Variants in H2BW1 observed in about 807,000 individuals in gnomAD.
The protein encoded by H2BW1 is histone H2B type W-T.
In H2BW1, 9 loss-of-function variants were observed where a neutral mutation model predicts 8.0. That is an observed-to-expected ratio of 1.13 (90% CI 0.68 to 1.97). The LOEUF (loss-of-function observed/expected upper bound fraction) is 1.97, where lower values mean the gene tolerates loss of function less well. Ranked by LOEUF, H2BW1 falls within the 30% of genes most tolerant of loss-of-function variation. The pLI, the probability that H2BW1 is intolerant of heterozygous loss-of-function variation, is 0.00. For synonymous variants in H2BW1, 58 were observed against 54.7 expected (o/e 1.06, Z -0.26); for missense variants, 137 against 132.0 (o/e 1.04, Z -0.19).
Position 104,013,605 on chromosome X carries a change from G to C in H2BW1, c.-29C>G. 3 of 1,210,922 alleles carry C rather than the reference G, an allele frequency of 2.5e-6. No homozygotes were observed. The highest frequency in any genetic ancestry group is 1.8e-5 in the South Asian group (1 of 56,720). ...GGAGGCAGTGGCCATTAGATGGCAC[G>C]ACCAGACAATGGCGGTTGTGGACCG... On this transcript the variant is annotated 5_prime_UTR_variant, in exon 1 of 3. Transcript: ENST00000217926.
At chrX:104,011,870 A>G (rs1446259101) in intron 2 of H2BW1, among the ~76,000 whole-genome samples, 3 of 111,871 alleles carry the variant, frequency 2.7e-5, no homozygotes, top group South Asian at 3.8e-4. Context: ...ATGGCCACAT[A>G]TTGAGCTTCA....
Position 104,013,160 on chromosome X carries a change from C to G in H2BW1, c.407+10G>C. The G allele has an allele frequency of 8.4e-7, 1 of 1,193,694 alleles. No homozygotes were observed. The highest frequency in any genetic ancestry group is 3.0e-5 in the East Asian group (1 of 33,655). On this transcript the variant is annotated intron_variant, in intron 1 of 2. Coordinates refer to ENST00000217926, the MANE Select transcript of H2BW1 (RefSeq NM_001002916.5). ...GTGCTCCTGAGGGAGCGCACTTGCT[C>G]CTGGTGTACCTGAGGACAGCCTTCG...
In H2BW1 at chrX:104,013,350, C is replaced by T. The variant is rs1207247789; in HGVS notation, c.227G>A (p.Ser76Asn). ...QGLSLSREAV[S>N]VMDSLVHDIL... ...GTCATGAACCAAAGAATCCATGACA[C>T]TCACGGCCTCCCGGGAAAGGCTGAG... Residue 76 changes from serine (S) to asparagine (N), a missense_variant, in exon 1 of 3, where the codon AGT (serine) becomes AAT (asparagine). Coordinates refer to ENST00000217926, the MANE Select transcript of H2BW1 (RefSeq NM_001002916.5). The T allele has an allele frequency of 8.3e-7, 1 of 1,210,854 alleles. No individual in the cohort carries two copies. The highest frequency in any genetic ancestry group is 1.1e-6 in the Non-Finnish European group (1 of 895,450).
At chrX:104,011,910 G>T (rs1414055871) in intron 2 of H2BW1, among the ~76,000 whole-genome samples, 1 of 111,200 alleles carries the variant, frequency 9.0e-6, no homozygotes, top group African/African-American at 3.3e-5. Context: ...CCTATGGGTC[G>T]CAATCCCAGA....
At position 104,013,604 on chromosome X, in the gene H2BW1, C is replaced by A; in HGVS notation, c.-28G>T. The A allele has an allele frequency of 4.1e-6, 5 of 1,210,826 alleles. No individual in the cohort carries two copies. Among genetic ancestry groups the A allele is most frequent in the African/African-American group, 1.7e-5 (1 of 57,852 alleles). On this transcript the variant is annotated 5_prime_UTR_variant, in exon 1 of 3. Coordinates refer to ENST00000217926, the MANE Select transcript of H2BW1 (RefSeq NM_001002916.5). ...CGGAGGCAGTGGCCATTAGATGGCA[C>A]GACCAGACAATGGCGGTTGTGGACC...
In H2BW1 at chrX:104,013,429, C is replaced by G; in HGVS notation, c.148G>C (p.Gly50Arg). Reference protein sequence around the residue: ...GPRRCHSNCRGDSFATYFRRV... With the variant: ...GPRRCHSNCRRDSFATYFRRV... ...CGGAAATAGGTGGCGAAGCTGTCCC[C>G]GCGGCAGTTGGAGTGGCACCTGCGG... Residue 50 changes from glycine (G) to arginine (R), a missense_variant, in exon 1 of 3, where the codon GGG becomes CGG. By Grantham distance (125) the Gly-to-Arg change is moderately radical. Transcript: ENST00000217926. The G allele has an allele frequency of 8.2e-7, 1 of 1,212,312 alleles. No homozygotes were observed. The highest frequency in any genetic ancestry group is 3.0e-5 in the East Asian group (1 of 33,839).
At position 104,013,473 on chromosome X, in the gene H2BW1, T is replaced by G; in HGVS notation, c.104A>C (p.Lys35Thr). The G allele has an allele frequency of 8.3e-7, 1 of 1,211,893 alleles. No individual in the cohort carries two copies. Among genetic ancestry groups the G allele is most frequent in the Non-Finnish European group, 1.1e-6 (1 of 895,513 alleles). ...TTSQKQSKQR[K>T]RGRHGPRRCH... is the part of the protein sequence containing the mutation. ...CCTGCGGGGCCCATGGCGCCCTCGC[T>G]TCCTCTGCTTGCTCTGCTTCTGGGA... The change falls in exon 1 of 3, where the codon AAG (lysine) becomes ACG (threonine). Residue 35 changes from lysine (K) to threonine (T), a missense_variant. Transcript: ENST00000217926.
Position 104,013,453 on chromosome X carries a change from G to C in H2BW1, c.124C>G (p.Arg42Gly). ...CCGCGGCAGTTGGAGTGGCACCTGC[G>C]GGGCCCATGGCGCCCTCGCTTCCTC... ...KQRKRGRHGP[R>G]RCHSNCRGDS... The change falls in exon 1 of 3, where the codon CGC becomes GGC. Residue 42 changes from arginine to glycine, a missense_variant. Arg to Gly is a moderately radical substitution (Grantham distance 125, BLOSUM62 -2). Coordinates refer to ENST00000217926, the MANE Select transcript of H2BW1 (RefSeq NM_001002916.5). The C allele has an allele frequency of 8.3e-7, 1 of 1,212,104 alleles. No individual in the cohort carries two copies. Among genetic ancestry groups the C allele is most frequent in the Non-Finnish European group, 1.1e-6 (1 of 895,585 alleles).
At position 104,013,202 on chromosome X, in the gene H2BW1, G is replaced by A. The variant is rs782781095; in HGVS notation, c.375C>T (p.Leu125=). 1.7e-6 allele frequency: 2 copies of A among 1,209,759 alleles called. No individual in the cohort carries two copies. Among genetic ancestry groups the A allele is most frequent in the Non-Finnish European group, 1.1e-6 (1 of 894,315 alleles). Residue 125 remains leucine (L), a synonymous_variant, in exon 1 of 3, where the codon CTC becomes CTT. Coordinates refer to ENST00000217926, the MANE Select transcript of H2BW1 (RefSeq NM_001002916.5). The part of the protein sequence containing the change: ...RLLLPGQMGK[L]AESEGTKAVL... ...CAGCCTTCGTGCCTTCGGACTCGGC[G>A]AGCTTGCCCATCTGCCCCGGCAGCA...
chrX:104,011,615 C>T (rs2075126717), intron 2 of H2BW1, among the ~76,000 whole-genome samples, 152 bp from the exon 3 acceptor site: 1 of 111,505 alleles, frequency 9.0e-6, no homozygotes, highest in Admixed American at 9.5e-5. Context: ...CTGCCATGCC[C>T]CCATTTCCCT....
chrX:104,011,828 G>A (rs2075127246), intron 2 of H2BW1, among the ~76,000 whole-genome samples: 1 of 111,922 alleles, frequency 8.9e-6, no homozygotes, highest in African/African-American at 3.3e-5. Flanking sequence ...TTTATGAGAT[G>A]TTTCAAAATT....
rs782183127 is a variant in H2BW1, at chrX:104,013,452, C to T, written c.125G>A (p.Arg42His). The stretch of plus-strand genomic sequence containing the variant: ...CCCGCGGCAGTTGGAGTGGCACCTG[C>T]GGGGCCCATGGCGCCCTCGCTTCCT... The part of the protein sequence containing the change: ...KQRKRGRHGP[R>H]RCHSNCRGDS... The change falls in exon 1 of 3, where the codon CGC becomes CAC. Residue 42 changes from arginine (R) to histidine (H), a missense_variant. Arg to His is a conservative substitution (Grantham distance 29, BLOSUM62 0). Transcript: ENST00000217926. The T allele has an allele frequency of 4.2e-5, 51 of 1,212,116 alleles. No homozygotes were observed. Among genetic ancestry groups the T allele is most frequent in the Middle Eastern group, 4.6e-4 (2 of 4,350 alleles).
chrX:104,011,790 G>T, intron 2 of H2BW1, among the ~76,000 whole-genome samples: 1 of 111,888 alleles, frequency 8.9e-6, no homozygotes, highest in Non-Finnish European at 1.9e-5. Context: ...ACCCTTTACT[G>T]GTTTCTACAT....
intron 1 of H2BW1, 126 bp downstream of exon 1, chrX:104,013,044 C>T (rs1237778336): frequency 2.0e-6 from 2 of 985,087 alleles, no homozygotes; most frequent in African/African-American, 1.9e-5. Flanking sequence ...CCCACCCCAG[C>T]CTCCGGTGGT....
Position 104,013,180 on chromosome X carries a change from C to G in H2BW1, c.397G>C (p.Ala133Pro), listed in dbSNP as rs781811785. Residue 133 changes from alanine to proline, a missense_variant, in exon 1 of 3, where the codon GCT (alanine) becomes CCT (proline). Ala to Pro is a conservative substitution (Grantham distance 27). Transcript: ENST00000217926. ...GKLAESEGTK[A>P]VLRTSLYAIQ... Reference sequence around the variant, plus strand: ...TTGCTCCTGGTGTACCTGAGGACAGCCTTCGTGCCTTCGGACTCGGCGAGC... The same window carrying G: ...TTGCTCCTGGTGTACCTGAGGACAGGCTTCGTGCCTTCGGACTCGGCGAGC... The G allele has an allele frequency of 2.1e-5, 25 of 1,202,715 alleles. No homozygotes were observed. The South Asian group carries it at 2.7e-4, about 13-fold the overall frequency.
In H2BW1 at chrX:104,013,158, C is replaced by T; in HGVS notation, c.407+12G>A. Reference sequence around the variant, plus strand: ...GGGTGCTCCTGAGGGAGCGCACTTGCTCCTGGTGTACCTGAGGACAGCCTT... The same window carrying T: ...GGGTGCTCCTGAGGGAGCGCACTTGTTCCTGGTGTACCTGAGGACAGCCTT... On this transcript the variant is annotated intron_variant, in intron 1 of 2. Transcript: ENST00000217926. 8.4e-7 allele frequency: 1 copy of T among 1,193,581 alleles called. No homozygotes were observed. The highest frequency in any genetic ancestry group is 1.7e-5 in the African/African-American group (1 of 57,543).
chrX:104,013,199 G>C lies in H2BW1; in HGVS notation c.378C>G (p.Ala126=). The C allele has an allele frequency of 8.3e-7, 1 of 1,209,093 alleles. No individual in the cohort carries two copies. Among genetic ancestry groups the C allele is most frequent in the Non-Finnish European group, 1.1e-6 (1 of 894,010 alleles). The change falls in exon 1 of 3, where the codon GCC becomes GCG. Residue 126 remains alanine (A), a synonymous_variant. Transcript: ENST00000217926. The stretch of plus-strand genomic sequence containing the variant: ...GGACAGCCTTCGTGCCTTCGGACTC[G>C]GCGAGCTTGCCCATCTGCCCCGGCA... ...LLLPGQMGKL[A]ESEGTKAVLR...
rs143738688 is a variant in H2BW1, at chrX:104,013,248, G to A, written c.329C>T (p.Thr110Ile). 1,298 of 1,210,664 alleles carry A rather than the reference G, an allele frequency of 1.1e-3. 1 individual carries two copies. Among genetic ancestry groups the A allele is most frequent in the Non-Finnish European group, 1.2e-3 (1,086 of 895,359 alleles). The change falls in exon 1 of 3, where the codon ACC becomes ATC. Residue 110 changes from threonine to isoleucine, a missense_variant. Physicochemically the swap from Thr to Ile is moderately conservative, Grantham distance 89. Coordinates refer to ENST00000217926, the MANE Select transcript of H2BW1 (RefSeq NM_001002916.5). ...CAGCAGCAGGCGCACAGCCATCCGG[G>A]TCTCCCAGGCAGTGATGGTCTGGCG... ...TKRQTITAWE[T>I]RMAVRLLLPG...
intron 2 of H2BW1, among the ~76,000 whole-genome samples, chrX:104,011,949 G>T (rs782493178): frequency 9.0e-6 from 1 of 111,443 alleles, no homozygotes; most frequent in Non-Finnish European, 1.9e-5. Flanking sequence ...ATACTCGGGC[G>T]GCTGGAGATC....
Sources: allele counts gnomAD v4.1 joint callset (sites outside exome capture counted in the v4.1 genomes callset), GRCh38; gene constraint gnomAD v4.1.1; transcripts MANE v1.5; gene names NCBI Gene and HGNC (gene_info 2026-07-23, HGNC 2026-07-21).